Variants in PLCB4 observed in about 807,000 individuals in gnomAD.
PLCB4 encodes phospholipase C beta 4.
A neutral mutation model predicts 178.8 loss-of-function variants in PLCB4; 77 were observed. That is an observed-to-expected ratio of 0.43 (90% CI 0.36 to 0.52). PLCB4 has a LOEUF of 0.52. Ranked by LOEUF, PLCB4 falls within the 20% of genes least tolerant of loss-of-function variation. The pLI, the probability that PLCB4 is intolerant of heterozygous loss-of-function variation, is 0.00. For synonymous variants in PLCB4, 496 were observed against 490.8 expected (o/e 1.01, Z -0.14); for missense variants, 1,024 against 1,453.4 (o/e 0.70, Z 4.80).
At chr20:9,336,998 A>G (rs1305060220) in intron 4 of PLCB4, 128 bp from the exon 5 acceptor site, 1 of 655,706 alleles carries the variant, frequency 1.5e-6, no homozygotes, top group Non-Finnish European at 2.8e-6. Flanking sequence ...TCCATAATAC[A>G]ATAAGAATTG....
At chr20:9,199,562 A>G (rs954098496) in intron 2 of PLCB4, among the ~76,000 whole-genome samples, 1 of 152,140 alleles carries the variant, frequency 6.6e-6, no homozygotes, top group African/African-American at 2.4e-5. Flanking sequence ...ACTGAAATCT[A>G]GGGGAAGGTT....
intron 26 of PLCB4, among the ~76,000 whole-genome samples, chr20:9,420,946 G>T (rs2084545548): frequency 6.6e-6 from 1 of 152,094 alleles, no homozygotes; most frequent in Admixed American, 6.6e-5. Context: ...GAGCTATGAA[G>T]GGTCTTAGGA....
chr20:9,393,553 C>CCTT, intron 17 of PLCB4, 35 bp from the exon 18 acceptor site: 1 of 1,381,412 alleles, frequency 7.2e-7, no homozygotes. Flanking sequence ...GAAGCACAGC[C>CCTT]CTTCCTTAAT....
intron 2 of PLCB4, among the ~76,000 whole-genome samples, chr20:9,214,887 G>T (rs1168788501): frequency 6.6e-6 from 1 of 152,160 alleles, no homozygotes; most frequent in African/African-American, 2.4e-5. Flanking sequence ...AATTAGAAAG[G>T]TTTATGGAAC....
chr20:9,185,071 T>A (rs2093310203), intron 2 of PLCB4, among the ~76,000 whole-genome samples: 1 of 152,168 alleles, frequency 6.6e-6, no homozygotes, highest in African/African-American at 2.4e-5. Flanking sequence ...TACAGGTGTG[T>A]GCCACCATGC....
intron 9 of PLCB4, among the ~76,000 whole-genome samples, chr20:9,367,142 A>G (rs1263764117): frequency 2.0e-5 from 3 of 152,214 alleles, no homozygotes; most frequent in Non-Finnish European, 4.4e-5. Context: ...ATTTAACAGA[A>G]TTGTCCCAGA....
At chr20:9,171,380 A>G (rs2093061268) in intron 2 of PLCB4, among the ~76,000 whole-genome samples, 1 of 152,198 alleles carries the variant, frequency 6.6e-6, no homozygotes, top group Non-Finnish European at 1.5e-5. Context: ...AAAGTACAGT[A>G]TGCAATCCTT....
chr20:9,157,986 G>A (rs986621709), intron 2 of PLCB4, among the ~76,000 whole-genome samples: 1 of 152,012 alleles, frequency 6.6e-6, no homozygotes, highest in East Asian at 1.9e-4. Flanking sequence ...CTAGCCTTTC[G>A]GCCCTTTACC....
intron 23 of PLCB4, 126 bp downstream of exon 23, chr20:9,408,843 C>T (rs765434255): frequency 7.2e-6 from 5 of 695,664 alleles, no homozygotes; most frequent in East Asian, 2.7e-5. Context: ...GTGGGAAAGA[C>T]CATGGCAGCT....
intron 1 of PLCB4, among the ~76,000 whole-genome samples, chr20:9,093,848 T>C (rs1330718506): frequency 6.6e-6 from 1 of 152,102 alleles, no homozygotes; most frequent in Non-Finnish European, 1.5e-5. Flanking sequence ...CCCTGCTTGT[T>C]GTGAGAGCTC....
chr20:9,463,615 GC>G (rs2043555774), intron 35 of PLCB4, among the ~76,000 whole-genome samples: 1 of 80,274 alleles, frequency 1.2e-5, no homozygotes, highest in African/African-American at 6.0e-5. Context: ...AAAAAAAAAA[GC>G]AGGGGTTGCA....
At chr20:9,194,565 C>T (rs544382839) in intron 2 of PLCB4, among the ~76,000 whole-genome samples, 11 of 151,662 alleles carry the variant, frequency 7.3e-5, no homozygotes, top group African/African-American at 2.2e-4. Context: ...GCAGGCCAGG[C>T]GCCTGTAGTC....
intron 2 of PLCB4, among the ~76,000 whole-genome samples, chr20:9,153,466 C>T (rs1012886239): frequency 1.8e-4 from 28 of 152,254 alleles, no homozygotes; most frequent in Non-Finnish European, 2.8e-4. Flanking sequence ...GGTTCCCACT[C>T]TTGCTTCTTC....
intron 3 of PLCB4, among the ~76,000 whole-genome samples, chr20:9,244,518 A>G (rs1026166276): frequency 1.3e-5 from 2 of 152,050 alleles, no homozygotes; most frequent in Admixed American, 1.3e-4. Flanking sequence ...TGCAGGGAAC[A>G]AAAAAAAGGT....
At chr20:9,322,965 C>G in intron 4 of PLCB4, among the ~76,000 whole-genome samples, 1 of 152,192 alleles carries the variant, frequency 6.6e-6, no homozygotes, top group East Asian at 1.9e-4. Context: ...ATAATACCTA[C>G]CTCGCATTGC....
At chr20:9,124,189 T>C (rs1396751401) in intron 2 of PLCB4, among the ~76,000 whole-genome samples, 1 of 152,136 alleles carries the variant, frequency 6.6e-6, no homozygotes, top group Non-Finnish European at 1.5e-5. Flanking sequence ...TGGTCTAGAA[T>C]ATTAAAATAA....
chr20:9,333,978 A>G (rs77109510), intron 4 of PLCB4, among the ~76,000 whole-genome samples: 8 of 152,268 alleles, frequency 5.3e-5, no homozygotes, highest in African/African-American at 1.9e-4. Flanking sequence ...GGAGATGTCA[A>G]ATAGCAAATA....
At chr20:9,128,811 T>C (rs925429732) in intron 2 of PLCB4, among the ~76,000 whole-genome samples, 2 of 152,186 alleles carry the variant, frequency 1.3e-5, no homozygotes, top group African/African-American at 2.4e-5. Flanking sequence ...CTATATCCAT[T>C]GAACAGAAAC....
At chr20:9,109,712 T>G (rs1428229266) in intron 2 of PLCB4, among the ~76,000 whole-genome samples, 1 of 152,204 alleles carries the variant, frequency 6.6e-6, no homozygotes. Context: ...AGGGAAAGAT[T>G]TGTGTGCCAG....
Sources: gnomAD v4.1 joint callset for allele counts (sites outside exome capture counted in the v4.1 genomes callset) on GRCh38, gnomAD v4.1.1 for gene constraint, MANE v1.5 for transcripts, NCBI Gene and HGNC (gene_info 2026-07-23, HGNC 2026-07-21) for gene names.